The following ZNF79 variants were observed in gnomAD, a reference collection of about 807,000 sequenced individuals.
The protein encoded by ZNF79 is ZNFpT7.
A neutral mutation model predicts 14.9 loss-of-function variants in ZNF79; 13 were observed. The observed-to-expected ratio is 0.87, with a 90% CI of 0.57 to 1.38. The LOEUF (loss-of-function observed/expected upper bound fraction) is 1.38. Ranked by LOEUF, ZNF79 falls within the 40% of genes most tolerant of loss-of-function variation. The probability of loss-of-function intolerance (pLI) is 0.00; values close to 1 mark genes in which losing one functional copy is unlikely to be tolerated. For synonymous variants in ZNF79, 223 were observed against 235.1 expected (o/e 0.95, Z 0.47); for missense variants, 631 against 630.6 (o/e 1.00, Z -0.01).
At chr9:127,435,426 C>G (rs536611443) in intron 3 of ZNF79, among the ~76,000 whole-genome samples, 1 of 152,318 alleles carries the variant, frequency 6.6e-6, no homozygotes, top group South Asian at 2.1e-4. Context: ...TCCCCATTCT[C>G]TCATTTCGCA....
At chr9:127,432,216 C>G (rs4400487) in intron 2 of ZNF79, among the ~76,000 whole-genome samples, 1 of 148,194 alleles carries the variant, frequency 6.7e-6, no homozygotes, top group Non-Finnish European at 1.5e-5. Context: ...GGCGCGATGT[C>G]GGCTCACTGC....
chr9:127,444,064 G>C lies in ZNF79; in HGVS notation c.364G>C (p.Ala122Pro). 3.1e-6 allele frequency: 5 copies of C among 1,607,042 alleles called. No homozygotes were observed. The South Asian group carries it at 5.5e-5, about 18-fold the overall frequency. Residue 122 changes from alanine to proline, a missense_variant, in exon 5 of 5, where the codon GCC becomes CCC. Physicochemically the swap from Ala to Pro is conservative, Grantham distance 27. Coordinates refer to ENST00000342483, the MANE Select transcript of ZNF79 (RefSeq NM_007135.3). ...TATATCTGGATCACCACCAGAGCAA[G>C]CCCTTTCTGAAGCTTCATTCCAAGA... ...KIISGSPPEQ[A>P]LSEASFQDPC...
At chr9:127,430,286 T>A (rs1020938905) in intron 2 of ZNF79, among the ~76,000 whole-genome samples, 52 of 152,194 alleles carry the variant, frequency 3.4e-4, no homozygotes, top group African/African-American at 9.7e-4. Context: ...CTATTTTAGA[T>A]TCGGGGGTAT....
At chr9:127,436,907 A>G (rs1250189206) in intron 4 of ZNF79, among the ~76,000 whole-genome samples, 1 of 152,016 alleles carries the variant, frequency 6.6e-6, no homozygotes, top group Non-Finnish European at 1.5e-5. Flanking sequence ...AAATACAAAA[A>G]AATCAGCTGG....
intron 1 of ZNF79, among the ~76,000 whole-genome samples, chr9:127,427,594 C>T (rs1011634468): frequency 7.0e-6 from 1 of 141,938 alleles, no homozygotes; most frequent in Non-Finnish European, 1.5e-5. Flanking sequence ...CACGCTGGAG[C>T]GTAATGGCGT....
chr9:127,430,885 T>A (rs748492468), intron 2 of ZNF79, among the ~76,000 whole-genome samples: 6 of 152,380 alleles, frequency 3.9e-5, no homozygotes, highest in Middle Eastern at 3.4e-3. Context: ...CTAATTTAGT[T>A]AACTTTGCCA....
chr9:127,427,940 C>T (rs1833790257), intron 1 of ZNF79, among the ~76,000 whole-genome samples: 1 of 152,054 alleles, frequency 6.6e-6, no homozygotes, highest in Non-Finnish European at 1.5e-5. Context: ...TTGCCTAATC[C>T]AACCTCTCAA....
At chr9:127,433,656 TC>T (rs972898585) in intron 2 of ZNF79, among the ~76,000 whole-genome samples, 21 of 152,210 alleles carry the variant, frequency 1.4e-4, no homozygotes, top group African/African-American at 4.8e-4. Context: ...TAACTCCAGA[TC>T]CGTGTTTTCA....
chr9:127,429,872 A>G (rs960958740), intron 2 of ZNF79, among the ~76,000 whole-genome samples: 4 of 147,764 alleles, frequency 2.7e-5, no homozygotes, highest in Admixed American at 6.8e-5. Context: ...GCCGGAGTGC[A>G]GTGTCACAAT....
chr9:127,438,986 T>C (rs7851991), intron 4 of ZNF79, among the ~76,000 whole-genome samples: 91,835 of 151,790 alleles, frequency 0.61, 28,100 homozygotes, highest in African/African-American at 0.63. Flanking sequence ...GTAGCACATA[T>C]CTATAGTCCC....
intron 2 of ZNF79, among the ~76,000 whole-genome samples, chr9:127,433,511 T>TCC (rs1833895850): frequency 6.6e-6 from 1 of 152,138 alleles, no homozygotes; most frequent in Non-Finnish European, 1.5e-5. Flanking sequence ...ATTCATTTCT[T>TCC]CCCTTTCCAT....
chr9:127,429,180 AT>A (rs1833816017), intron 2 of ZNF79, among the ~76,000 whole-genome samples: 1 of 151,758 alleles, frequency 6.6e-6, no homozygotes, highest in Non-Finnish European at 1.5e-5. Context: ...CACCCAGCTA[AT>A]TTTTTTGTAT....
At chr9:127,428,320 G>A (rs1444959668) in intron 1 of ZNF79, among the ~76,000 whole-genome samples, 1 of 152,054 alleles carries the variant, frequency 6.6e-6, no homozygotes, top group Non-Finnish European at 1.5e-5. Context: ...ATCTATTTTG[G>A]GTTAATTTTT....
At chr9:127,438,673 G>A (rs1327115124) in intron 4 of ZNF79, among the ~76,000 whole-genome samples, 1 of 152,192 alleles carries the variant, frequency 6.6e-6, no homozygotes, top group East Asian at 1.9e-4. Context: ...TCCAGGGTAT[G>A]GGGCAGGATC....
chr9:127,430,267 T>G (rs1335974534), intron 2 of ZNF79, among the ~76,000 whole-genome samples: 1 of 152,246 alleles, frequency 6.6e-6, no homozygotes, highest in Non-Finnish European at 1.5e-5. Flanking sequence ...CTTAAATAAT[T>G]TCACCTTACT....
At chr9:127,438,593 G>A (rs1388974098) in intron 4 of ZNF79, among the ~76,000 whole-genome samples, 3 of 152,182 alleles carry the variant, frequency 2.0e-5, no homozygotes, top group East Asian at 3.9e-4. Flanking sequence ...GAACACTGTA[G>A]ACTGAGTGAG....
At chr9:127,440,705 CAGTT>C (rs1834033970) in intron 4 of ZNF79, among the ~76,000 whole-genome samples, 1 of 152,036 alleles carries the variant, frequency 6.6e-6, no homozygotes, top group South Asian at 2.1e-4. Flanking sequence ...GCGGGGAGGT[CAGTT>C]AGGAGGCGGC....
rs555953620 is a variant in ZNF79, at chr9:127,440,157, C to T, written c.329-3872C>T. On this transcript the variant is annotated intron_variant, in intron 4 of 4. Transcript: ENST00000342483. ...GATTACAGGCATGAGCCACCGCGCCCGGCCCACTAATCTACTTTTTATGGT... is the reference window on the plus strand; with the variant it reads ...GATTACAGGCATGAGCCACCGCGCCTGGCCCACTAATCTACTTTTTATGGT... Among the ~76,000 whole-genome samples the T allele has an allele frequency of 5.3e-5, 8 of 152,304 alleles. No homozygotes were observed. The East Asian group carries it at 5.8e-4, about 11-fold the overall frequency.
At chr9:127,427,873 A>C (rs1030319725) in intron 1 of ZNF79, among the ~76,000 whole-genome samples, 24 of 152,316 alleles carry the variant, frequency 1.6e-4, no homozygotes, top group Admixed American at 7.8e-4. Context: ...GAAGATATCC[A>C]ACTTACCTAT....
Sources: allele counts gnomAD v4.1 joint callset (sites outside exome capture counted in the v4.1 genomes callset), GRCh38; gene constraint gnomAD v4.1.1; transcripts MANE v1.5; gene names NCBI Gene and HGNC (gene_info 2026-07-23, HGNC 2026-07-21).